ADGRL2: variants seen among roughly 807,000 people sequenced by gnomAD.
ADGRL2 encodes the protein calcium-independent alpha-latrotoxin receptor 2.
ADGRL2 carries 44 observed loss-of-function variants against 157.4 expected under a neutral mutation model. The observed-to-expected ratio is 0.28, with a 90% CI of 0.22 to 0.36. The LOEUF is 0.36. Among genes scored for constraint, ADGRL2 ranks in the 10% least tolerant of loss-of-function variants. The pLI, the probability that ADGRL2 is intolerant of heterozygous loss-of-function variation, is 1.00. For missense variants in ADGRL2, 1,510 were observed against 1,768.9 expected (o/e 0.85, Z 2.63); for synonymous variants, 585 against 624.7 (o/e 0.94, Z 0.95).
chr1:81,832,953 G>A (rs186420976), intron 1 of ADGRL2, among the ~76,000 whole-genome samples: 271 of 152,252 alleles, frequency 1.8e-3, no homozygotes, highest in African/African-American at 6.1e-3. Context: ...CCTGATTGAG[G>A]TTCAGCTAAA....
chr1:81,719,159 G>C (rs761754240), intron 1 of ADGRL2, among the ~76,000 whole-genome samples: 1 of 152,218 alleles, frequency 6.6e-6, no homozygotes, highest in African/African-American at 2.4e-5. Flanking sequence ...TTTAAACCTT[G>C]CCTCATGGCA....
chr1:81,433,576 C>G (rs2077359820), intron 1 of ADGRL2, among the ~76,000 whole-genome samples: 1 of 152,154 alleles, frequency 6.6e-6, no homozygotes. Flanking sequence ...TAAAATGGTG[C>G]TTGCAGGACA....
chr1:81,323,955 A>G (rs1324086338), intron 1 of ADGRL2, among the ~76,000 whole-genome samples: 1 of 152,212 alleles, frequency 6.6e-6, no homozygotes, highest in Non-Finnish European at 1.5e-5. Flanking sequence ...GGATTGTTGT[A>G]GCTCTTTGAA....
At chr1:81,370,331 C>G (rs2076140147) in intron 1 of ADGRL2, among the ~76,000 whole-genome samples, 1 of 152,022 alleles carries the variant, frequency 6.6e-6, no homozygotes. Flanking sequence ...ACGATTAAAT[C>G]ATTGTTGGAG....
At chr1:81,913,578 A>G (rs1288105839) in intron 3 of ADGRL2, among the ~76,000 whole-genome samples, 2 of 152,092 alleles carry the variant, frequency 1.3e-5, no homozygotes, top group African/African-American at 4.8e-5. Context: ...ATTTTAAGGG[A>G]GTTATTGAGA....
chr1:81,670,756 C>A (rs575002639), intron 3 of ADGRL2, among the ~76,000 whole-genome samples: 1 of 152,348 alleles, frequency 6.6e-6, no homozygotes, highest in South Asian at 2.1e-4. Flanking sequence ...CGCTCTGTTG[C>A]CCAGGCTGGG....
At chr1:81,938,906 T>C (rs764225107) in intron 4 of ADGRL2, among the ~76,000 whole-genome samples, 1 of 151,620 alleles carries the variant, frequency 6.6e-6, no homozygotes, top group Admixed American at 6.6e-5. Context: ...TTTAAGCCTT[T>C]AGCTTTCACT....
intron 2 of ADGRL2, among the ~76,000 whole-genome samples, chr1:81,548,187 C>T (rs139523672): frequency 0.011 from 1,641 of 152,218 alleles, 15 homozygotes; most frequent in Non-Finnish European, 0.015. Flanking sequence ...CAATACTTAA[C>T]TTGCACTCAA....
At chr1:81,646,311 G>C (rs67883158) in intron 3 of ADGRL2, among the ~76,000 whole-genome samples, 43,964 of 151,982 alleles carry the variant, frequency 0.29, 6,454 homozygotes, top group East Asian at 0.32. Flanking sequence ...AATCATATAA[G>C]AGAAAAATTA....
At chr1:81,977,927 T>C (rs1660640229) in intron 17 of ADGRL2, among the ~76,000 whole-genome samples, 1 of 151,776 alleles carries the variant, frequency 6.6e-6, no homozygotes, top group South Asian at 2.1e-4. Context: ...ATTTTAATTG[T>C]GAATCTGCAA....
rs2296698 is a variant in ADGRL2, at chr1:81,979,796, G to A, written c.3022-73G>A. On this transcript the variant is annotated intron_variant, in intron 17 of 23. Transcript: ENST00000686636. ...AGTATCTTCCATATAAACATGGATC[G>A]ATACATTTGCAAGAACTATTCATTT... is the stretch of plus-strand genomic sequence containing the variant. 6,583 of 843,660 alleles carry A rather than the reference G, an allele frequency of 7.8e-3. 195 individuals carry two copies. In the East Asian group the frequency reaches 0.08, roughly 10 times the overall value. The allele number at this position is 843,660 out of a possible 1,614,324, so 52.3% of individuals were successfully genotyped here. A position where few individuals can be genotyped will look rare whatever the true frequency, so the allele number is the denominator to read the frequency against.
chr1:81,417,838 G>A lies in ADGRL2; in HGVS notation c.-301-27198G>A, dbSNP rs1412301879. Among the ~76,000 whole-genome samples, 3 of 152,218 alleles carry A rather than the reference G, an allele frequency of 2.0e-5. No individual in the cohort carries two copies. In the South Asian group the frequency reaches 6.2e-4, roughly 32 times the overall value. On this transcript the variant is annotated intron_variant, in intron 1 of 24. Transcript: ENST00000370721. ...GATTTTTAAAAAATATGTCAGTAGTGCCCAAGCTGCATTAGGAGATTTCAG... is the reference window on the plus strand; with the variant it reads ...GATTTTTAAAAAATATGTCAGTAGTACCCAAGCTGCATTAGGAGATTTCAG...
At chr1:81,390,199 A>C (rs1172491582) in intron 1 of ADGRL2, among the ~76,000 whole-genome samples, 1 of 152,302 alleles carries the variant, frequency 6.6e-6, no homozygotes, top group Non-Finnish European at 1.5e-5. Context: ...GTTTTCTTAT[A>C]ATATTAATAT....
In ADGRL2 at chr1:81,986,939, C is replaced by T. The variant is rs754660598; in HGVS notation, c.3547C>T (p.Arg1183Ter). The change falls in exon 22 of 24, where the codon CGA becomes TGA. Residue 1183 changes from arginine to a stop codon, truncating the protein, a stop_gained. Coordinates refer to ENST00000686636, the MANE Select transcript of ADGRL2 (RefSeq NM_001366006.2). LOFTEE classifies it high-confidence loss of function. ...TTACCTACTAACAAACCCTCTTCTT[C>T]GACCCCACGGCACTAACAACCCCTA... Reference protein sequence around the residue: ...GNYLLTNPLLRPHGTNNPYNT... With the variant: ...GNYLLTNPLL 2.5e-6 allele frequency: 4 copies of T among 1,610,530 alleles called. No individual in the cohort carries two copies. The highest frequency in any genetic ancestry group is 3.4e-6 in the Non-Finnish European group (4 of 1,178,848).
intron 19 of ADGRL2, among the ~76,000 whole-genome samples, chr1:81,982,394 A>G (rs1661920088): frequency 6.6e-6 from 1 of 151,984 alleles, no homozygotes; most frequent in Non-Finnish European, 1.5e-5. Context: ...AATTAATGTT[A>G]CCTTTTGAGT....
chr1:81,413,139 A>T (rs2076976793), intron 1 of ADGRL2, among the ~76,000 whole-genome samples: 1 of 152,104 alleles, frequency 6.6e-6, no homozygotes, highest in Non-Finnish European at 1.5e-5. Context: ...GACTCCCTGG[A>T]TGTAGCCCTC....
At chr1:81,810,287 G>A (rs773769511) in intron 1 of ADGRL2, among the ~76,000 whole-genome samples, 4 of 150,940 alleles carry the variant, frequency 2.7e-5, no homozygotes. Flanking sequence ...GTTTTATGCA[G>A]ACTACGTTTA....
chr1:81,941,997 C>T (rs1557959705), intron 4 of ADGRL2, 37 bp from the exon 5 acceptor site: 3 of 763,398 alleles, frequency 3.9e-6, no homozygotes, highest in Non-Finnish European at 4.9e-6. Flanking sequence ...TTTCCTTGCA[C>T]CTTTTTTATT....
chr1:81,503,189 T>C, intron 2 of ADGRL2: 1 of 1,614,128 alleles, frequency 6.2e-7, no homozygotes, highest in Admixed American at 1.7e-5. Context: ...CCCATGAAGA[T>C]CAGGATCAAC....
Sources: allele counts gnomAD v4.1 joint callset (sites outside exome capture counted in the v4.1 genomes callset), GRCh38; gene constraint gnomAD v4.1.1; transcripts MANE v1.5; gene names NCBI Gene and HGNC (gene_info 2026-07-23, HGNC 2026-07-21).